ANK1: variants seen among roughly 807,000 people sequenced by gnomAD.
ANK1 encodes the protein ankyrin-1.
In ANK1, 51 loss-of-function variants were observed where a neutral mutation model predicts 210.4. That is an observed-to-expected ratio of 0.24 (90% CI 0.19 to 0.31). The LOEUF (loss-of-function observed/expected upper bound fraction) is 0.31. Ranked by LOEUF, ANK1 falls within the 10% of genes least tolerant of loss-of-function variation. The probability of loss-of-function intolerance (pLI) is 1.00; values close to 1 mark genes in which losing one functional copy is unlikely to be tolerated. For synonymous variants in ANK1, 967 were observed against 1,025.9 expected (o/e 0.94, Z 1.10); for missense variants, 2,051 against 2,504.4 (o/e 0.82, Z 3.86).
At chr8:41,788,112 T>C (rs573610211) in intron 1 of ANK1, among the ~76,000 whole-genome samples, 217 of 152,298 alleles carry the variant, frequency 1.4e-3, no homozygotes, top group African/African-American at 5.0e-3. Context: ...ATCAGCAATT[T>C]GTAACAAACA....
At chr8:41,686,562 C>T (rs1347455606) in intron 35 of ANK1, among the ~76,000 whole-genome samples, 1 of 152,196 alleles carries the variant, frequency 6.6e-6, no homozygotes, top group Non-Finnish European at 1.5e-5. Context: ...GTCCTTTCTT[C>T]CTTTCGTAAC....
At chr8:41,808,840 A>G (rs1851361525) in intron 1 of ANK1, among the ~76,000 whole-genome samples, 1 of 152,152 alleles carries the variant, frequency 6.6e-6, no homozygotes, top group African/African-American at 2.4e-5. Context: ...TTTCCCAGAT[A>G]ATTTTCTAGA....
intron 1 of ANK1, among the ~76,000 whole-genome samples, chr8:41,870,873 G>A (rs1815346756): frequency 6.6e-6 from 1 of 152,180 alleles, no homozygotes; most frequent in African/African-American, 2.4e-5. Flanking sequence ...CGGAGCCTCT[G>A]CTTGGCGAAC....
chr8:41,690,165 T>G (rs7835812), intron 33 of ANK1, 62 bp downstream of exon 33: 1 of 1,611,692 alleles, frequency 6.2e-7, no homozygotes, highest in African/African-American at 1.3e-5. Context: ...CTGGGGTCTG[T>G]TTGGGGACCT....
At chr8:41,703,060 A>G (rs1162891155) in intron 20 of ANK1, among the ~76,000 whole-genome samples, 4 of 151,486 alleles carry the variant, frequency 2.6e-5, no homozygotes, top group African/African-American at 9.7e-5. Context: ...CGAACTCCTG[A>G]CCTCAAGTGA....
chr8:41,818,650 T>G (rs1803705334), intron 1 of ANK1, among the ~76,000 whole-genome samples: 1 of 152,152 alleles, frequency 6.6e-6, no homozygotes, highest in African/African-American at 2.4e-5. Flanking sequence ...CTTTCTTTCT[T>G]TCTTTCCTTC....
intron 1 of ANK1, among the ~76,000 whole-genome samples, chr8:41,845,202 T>C (rs1386493060): frequency 6.6e-6 from 1 of 151,972 alleles, no homozygotes; most frequent in Non-Finnish European, 1.5e-5. Flanking sequence ...CTGTCCAACA[T>C]GGTGAAACCC....
At chr8:41,683,429 T>C (rs1250232539) in intron 37 of ANK1, among the ~76,000 whole-genome samples, 1 of 152,000 alleles carries the variant, frequency 6.6e-6, no homozygotes, top group Admixed American at 6.6e-5. Flanking sequence ...TGGTAGGGGC[T>C]CCGTGCCCAG....
intron 1 of ANK1, among the ~76,000 whole-genome samples, chr8:41,762,390 A>T (rs899345025): frequency 6.6e-6 from 1 of 152,104 alleles, no homozygotes; most frequent in Non-Finnish European, 1.5e-5. Flanking sequence ...AATGCACTTA[A>T]AATATCTCTT....
intron 38 of ANK1, among the ~76,000 whole-genome samples, chr8:41,669,816 C>T (rs1382196829): frequency 1.3e-5 from 2 of 152,230 alleles, no homozygotes; most frequent in Non-Finnish European, 2.9e-5. Flanking sequence ...TGCCAGGTTG[C>T]GCCAGCCTCC....
At chr8:41,703,448 A>AT (rs1198353842) in intron 20 of ANK1, among the ~76,000 whole-genome samples, 15 of 60,184 alleles carry the variant, frequency 2.5e-4, no homozygotes, top group African/African-American at 6.2e-4. Context: ...ATATATATAT[A>AT]TATTTTTTTT....
intron 17 of ANK1, among the ~76,000 whole-genome samples, chr8:41,708,311 G>C (rs906241214): frequency 3.9e-5 from 6 of 152,140 alleles, no homozygotes; most frequent in African/African-American, 1.4e-4. Context: ...CCAGATGTGT[G>C]CGCAATTTTA....
intron 1 of ANK1, among the ~76,000 whole-genome samples, chr8:41,890,626 C>T (rs1424992779): frequency 6.7e-6 from 1 of 149,988 alleles, no homozygotes; most frequent in Non-Finnish European, 1.5e-5. Flanking sequence ...GGAGAATCAC[C>T]TGAACCCAGG....
chr8:41,822,110 GAGAGAA>G (rs1804461625), intron 1 of ANK1, among the ~76,000 whole-genome samples: 2 of 33,894 alleles, frequency 5.9e-5, no homozygotes, highest in East Asian at 3.9e-4. Flanking sequence ...GAGAGAGAGA[GAGAGAA>G]AGAAAGAGAA....
At chr8:41,852,477 G>A (rs1259705089) in intron 1 of ANK1, among the ~76,000 whole-genome samples, 2 of 152,226 alleles carry the variant, frequency 1.3e-5, no homozygotes, top group Non-Finnish European at 2.9e-5. Context: ...ACAGCACAGA[G>A]TGCACACACA....
intron 1 of ANK1, among the ~76,000 whole-genome samples, chr8:41,847,841 T>C (rs1203851497): frequency 2.0e-5 from 3 of 152,200 alleles, no homozygotes; most frequent in Non-Finnish European, 1.5e-5. Flanking sequence ...TGTACTCATA[T>C]GATTATCTGA....
Position 41,708,899 on chromosome 8 carries a change from C to T in ANK1, c.1877G>A (p.Gly626Asp). Residue 626 changes from glycine (G) to aspartate (D), a missense_variant, in exon 17 of 43, where the codon GGC becomes GAC. Transcript: ENST00000289734. ...EVARSLLQYG[G>D]SANAESVQGV... ...TTGCACCGACTCGGCGTTTGCTGAG[C>T]CCCCATACTGCAGCAGACTACGGGC... 6.2e-7 allele frequency: 1 copy of T among 1,614,122 alleles called. No individual in the cohort carries two copies.
intron 1 of ANK1, among the ~76,000 whole-genome samples, chr8:41,765,495 C>T (rs1158305000): frequency 6.6e-6 from 1 of 152,168 alleles, no homozygotes; most frequent in South Asian, 2.1e-4. Context: ...AATCTTCCCA[C>T]CTCCACCTCC....
intron 16 of ANK1, 128 bp from the exon 17 acceptor site, chr8:41,709,103 A>G (rs1825471701): frequency 2.2e-5 from 22 of 1,021,298 alleles, no homozygotes; most frequent in Non-Finnish European, 3.2e-5. Context: ...GGCATCACCC[A>G]GGAGCAATTT....
Sources: allele counts gnomAD v4.1 joint callset (sites outside exome capture counted in the v4.1 genomes callset), GRCh38; gene constraint gnomAD v4.1.1; transcripts MANE v1.5; gene names NCBI Gene and HGNC (gene_info 2026-07-23, HGNC 2026-07-21).